Variants in CNTN6 observed in about 807,000 individuals in gnomAD.
The protein encoded by CNTN6 is contactin 6.
CNTN6 carries 137 observed loss-of-function variants against 122.8 expected under a neutral mutation model. That is an observed-to-expected ratio of 1.12 (90% CI 0.97 to 1.29). The LOEUF (loss-of-function observed/expected upper bound fraction) is 1.29, where lower values mean the gene tolerates loss of function less well. CNTN6 is among the 50% of genes most tolerant of loss of function. CNTN6 has a pLI of 0.00. For missense variants in CNTN6, 1,634 were observed against 1,223.4 expected (o/e 1.34, Z -5.01); for synonymous variants, 570 against 426.0 (o/e 1.34, Z -4.16).
chr3:1,138,126 T>A (rs1003086501), intron 1 of CNTN6, among the ~76,000 whole-genome samples: 1 of 152,202 alleles, frequency 6.6e-6, no homozygotes, highest in Non-Finnish European at 1.5e-5. Flanking sequence ...AGGAGAGTAT[T>A]TCAATTTGTC....
chr3:1,394,753 C>G (rs1264175223), intron 20 of CNTN6, among the ~76,000 whole-genome samples: 1 of 152,046 alleles, frequency 6.6e-6, no homozygotes, highest in African/African-American at 2.4e-5. Context: ...TCAGTTGACC[C>G]AATTGATCCT....
At position 1,106,340 on chromosome 3, in the gene CNTN6, AT is replaced by A. The variant is rs557307598; in HGVS notation, c.-83+13223del. On this transcript the variant is annotated intron_variant, in intron 1 of 22. Coordinates refer to ENST00000446702, the MANE Select transcript of CNTN6 (RefSeq NM_001289080.2). Reference sequence around the variant, plus strand: ...ACTTCTTATTTTTGTTTTAGCTTGCATTTACGTTGCCATAACACATTATGTT... The same window carrying A: ...ACTTCTTATTTTTGTTTTAGCTTGCATTACGTTGCCATAACACATTATGTT... Among the ~76,000 whole-genome samples the A allele has an allele frequency of 4.7e-4, 71 of 152,228 alleles. No homozygotes were observed. The South Asian group carries it at 6.0e-3, about 13-fold the overall frequency.
intron 2 of CNTN6, among the ~76,000 whole-genome samples, chr3:1,171,547 C>CA (rs763088574): frequency 6.6e-6 from 1 of 152,152 alleles, no homozygotes; most frequent in Non-Finnish European, 1.5e-5. Context: ...TTGTGACAAC[C>CA]AAAAACTGGC....
rs1706367463 is a variant in CNTN6, at chr3:1,355,274, G to A, written c.1492+2823G>A. Among the ~76,000 whole-genome samples the A allele has an allele frequency of 2.0e-5, 3 of 151,732 alleles. No homozygotes were observed. In the South Asian group the frequency reaches 6.2e-4, roughly 31 times the overall value. On this transcript the variant is annotated intron_variant, in intron 12 of 22. Coordinates refer to ENST00000446702, the MANE Select transcript of CNTN6 (RefSeq NM_001289080.2). ...AAAATAAACACAAAATGTGTGTACAGTATGAAGAAAAACAGCCTTAGAAAG... is the reference window on the plus strand; with the variant it reads ...AAAATAAACACAAAATGTGTGTACAATATGAAGAAAAACAGCCTTAGAAAG...
chr3:1,279,577 C>T (rs1475007750), intron 5 of CNTN6, among the ~76,000 whole-genome samples: 1 of 152,166 alleles, frequency 6.6e-6, no homozygotes, highest in African/African-American at 2.4e-5. Flanking sequence ...AGCTGGCAGG[C>T]AATGAAGCCA....
In CNTN6 at chr3:1,383,160, C is replaced by G. The variant is rs780139716; in HGVS notation, c.2385C>G (p.Val795=). 1 of 1,613,122 alleles carries G rather than the reference C, an allele frequency of 6.2e-7. No homozygotes were observed. Among genetic ancestry groups the G allele is most frequent in the Non-Finnish European group, 8.5e-7 (1 of 1,179,144 alleles). ...GATCCCTGAGTACTGTGACCATTGT[C>G]TACTCTGGGGAAGATGGTAAGTTGT... is the stretch of plus-strand genomic sequence containing the variant. ...GEGSLSTVTI[V]YSGEDEPQLA... The change falls in exon 18 of 23, where the codon GTC becomes GTG. Residue 795 remains valine, a synonymous_variant. Transcript: ENST00000446702.
intron 4 of CNTN6, among the ~76,000 whole-genome samples, chr3:1,267,008 C>G (rs532160137): frequency 6.7e-6 from 1 of 148,674 alleles, no homozygotes; most frequent in South Asian, 2.2e-4. Context: ...CTGCGACCCC[C>G]AGGTTCAAGC....
chr3:1,234,101 T>C (rs1309564841), intron 4 of CNTN6, among the ~76,000 whole-genome samples: 2 of 152,182 alleles, frequency 1.3e-5, no homozygotes, highest in African/African-American at 4.8e-5. Flanking sequence ...GTTTTACAGG[T>C]GAAGACATTA....
rs1022549437 is a variant in CNTN6 at position 1,303,071 on chromosome 3, T to C, written c.761+5080T>C. Among the ~76,000 whole-genome samples the C allele has an allele frequency of 1.2e-4, 18 of 152,152 alleles. 1 individual carries two copies. The highest frequency in any genetic ancestry group is 4.8e-5 in the African/African-American group (2 of 41,448). ...TCAAAGCCATCCCTCATTTGTGTTA[T>C]AACTTATTTTATTTCCAGCATTTCC... On this transcript the variant is annotated intron_variant, in intron 7 of 22. Coordinates refer to ENST00000446702, the MANE Select transcript of CNTN6 (RefSeq NM_001289080.2).
At chr3:1,394,296 G>A (rs1424819868) in intron 20 of CNTN6, 5 of 193,842 alleles carry the variant, frequency 2.6e-5, no homozygotes, top group South Asian at 7.6e-5. Flanking sequence ...AGCAGTGACG[G>A]CCCCCCGAAA....
At chr3:1,372,685 T>C (rs2126140550) in intron 13 of CNTN6, among the ~76,000 whole-genome samples, 153 bp from the exon 14 acceptor site, 1 of 152,262 alleles carries the variant, frequency 6.6e-6, no homozygotes, top group East Asian at 1.9e-4. Context: ...AGGGGGATAA[T>C]AAAAGGGTTT....
At chr3:1,298,534 T>A (rs1696668118) in intron 7 of CNTN6, among the ~76,000 whole-genome samples, 1 of 152,204 alleles carries the variant, frequency 6.6e-6, no homozygotes, top group Non-Finnish European at 1.5e-5. Context: ...TAAGTATTTA[T>A]TAGGAACAGG....
At chr3:1,387,475 CCAAT>C (rs531709063) in intron 20 of CNTN6, among the ~76,000 whole-genome samples, 2 of 152,166 alleles carry the variant, frequency 1.3e-5, no homozygotes, top group Non-Finnish European at 2.9e-5. Flanking sequence ...ATGAAAATCT[CCAAT>C]CAATCAGCAG....
At chr3:1,094,669 A>G (rs1208761856) in intron 1 of CNTN6, among the ~76,000 whole-genome samples, 1 of 152,106 alleles carries the variant, frequency 6.6e-6, no homozygotes, top group Non-Finnish European at 1.5e-5. Flanking sequence ...GAAAAGGATC[A>G]CATATTTTCT....
intron 2 of CNTN6, among the ~76,000 whole-genome samples, chr3:1,168,932 C>T (rs2093310823): frequency 6.6e-6 from 1 of 151,972 alleles, no homozygotes; most frequent in East Asian, 1.9e-4. Flanking sequence ...AACTATATTG[C>T]TGATATAGAG....
At position 1,327,662 on chromosome 3, in the gene CNTN6, A is replaced by AT. The variant is rs533707019; in HGVS notation, c.1213+84dup. On this transcript the variant is annotated intron_variant, in intron 10 of 22. Transcript: ENST00000446702. ...TATAATTATGCATAATCCCAACCCA[A>AT]TTTTTTTTGTAAATTAGAAATTGCT... The AT allele has an allele frequency of 2.3e-4, 333 of 1,430,784 alleles. No homozygotes were observed. In the African/African-American group the frequency reaches 3.0e-3, roughly 13 times the overall value. The allele number at this position is 1,430,784 out of a possible 1,614,324, so 88.6% of individuals were successfully genotyped here.
intron 12 of CNTN6, among the ~76,000 whole-genome samples, chr3:1,360,752 C>T (rs1367442731): frequency 6.6e-6 from 1 of 151,802 alleles, no homozygotes; most frequent in Non-Finnish European, 1.5e-5. Context: ...CTCTTCAATC[C>T]CCAAATTCAA....
At chr3:1,167,556 T>C (rs1188296926) in intron 2 of CNTN6, among the ~76,000 whole-genome samples, 1 of 151,676 alleles carries the variant, frequency 6.6e-6, no homozygotes. Context: ...CGACATTTCC[T>C]ATGCACTTTT....
intron 1 of CNTN6, among the ~76,000 whole-genome samples, chr3:1,120,478 T>C (rs530291612): frequency 1.3e-5 from 2 of 152,134 alleles, no homozygotes; most frequent in Non-Finnish European, 2.9e-5. Context: ...CTATTGACTC[T>C]ACATATTTTA....
Sources: allele counts gnomAD v4.1 joint callset (sites outside exome capture counted in the v4.1 genomes callset), GRCh38; gene constraint gnomAD v4.1.1; transcripts MANE v1.5; gene names NCBI Gene and HGNC (gene_info 2026-07-23, HGNC 2026-07-21).